The following CAMTA1 variants were observed in gnomAD, a reference collection of about 807,000 sequenced individuals.
The protein encoded by CAMTA1 is calmodulin-binding transcription activator 1.
Under a neutral mutation model 170.9 loss-of-function variants are expected in CAMTA1, and 27 were observed. The observed-to-expected ratio is 0.16, with a 90% CI of 0.12 to 0.22. The LOEUF (loss-of-function observed/expected upper bound fraction) is 0.22. Among genes scored for constraint, CAMTA1 ranks in the 10% least tolerant of loss-of-function variants. The pLI is 1.00. For missense variants in CAMTA1, 1,619 were observed against 2,217.2 expected (o/e 0.73, Z 5.42); for synonymous variants, 833 against 891.5 (o/e 0.93, Z 1.17).
chr1:7,479,782 C>A (rs987116273), intron 6 of CAMTA1, among the ~76,000 whole-genome samples: 1 of 152,232 alleles, frequency 6.6e-6, no homozygotes, highest in African/African-American at 2.4e-5. Flanking sequence ...TCTACCTAGT[C>A]CCTTATCTGC....
chr1:7,725,892 C>G (rs572711153), intron 11 of CAMTA1, among the ~76,000 whole-genome samples: 1 of 152,208 alleles, frequency 6.6e-6, no homozygotes, highest in African/African-American at 2.4e-5. Flanking sequence ...AGCCTCCAGC[C>G]AGGAACAGGC....
intron 3 of CAMTA1, among the ~76,000 whole-genome samples, chr1:6,893,701 G>T (rs1675044163): frequency 6.6e-6 from 1 of 152,160 alleles, no homozygotes; most frequent in Non-Finnish European, 1.5e-5. Context: ...TTGGCTGGTG[G>T]GTTTAGCTGT....
chr1:7,668,455 C>A (rs1387032886), intron 9 of CAMTA1, among the ~76,000 whole-genome samples: 1 of 151,208 alleles, frequency 6.6e-6, no homozygotes, highest in Non-Finnish European at 1.5e-5. Context: ...CCAGAGGCGT[C>A]CCCCTATGCC....
rs548280303 is a variant in CAMTA1, at chr1:7,093,975, G to T, written c.302+2604G>T. Among the ~76,000 whole-genome samples the T allele has an allele frequency of 2.6e-5, 4 of 152,146 alleles. No individual in the cohort carries two copies. The highest frequency in any genetic ancestry group is 4.4e-5 in the Non-Finnish European group (3 of 68,018). Reference sequence around the variant, plus strand: ...CGTTTCTGATTCTGCTTCCCATGCCGTCGGGTCTGTCCATGCACAGGTGTC... The same window carrying T: ...CGTTTCTGATTCTGCTTCCCATGCCTTCGGGTCTGTCCATGCACAGGTGTC... On this transcript the variant is annotated intron_variant, in intron 4 of 22. Transcript: ENST00000303635. This position sits in a 1 kb window ranked among gnomAD's most constrained non-coding sequence, Gnocchi z 4.6.
At chr1:7,679,581 C>G (rs28514553) in intron 11 of CAMTA1, among the ~76,000 whole-genome samples, 6 of 46,282 alleles carry the variant, frequency 1.3e-4, no homozygotes, top group South Asian at 1.3e-3. Flanking sequence ...AGCTGCCCCC[C>G]CCCCCAGAAC....
rs1022786982 is a variant in CAMTA1 at position 7,007,397 on chromosome 1, C to G, written c.235-83907C>G. Among the ~76,000 whole-genome samples, 1 of 152,182 alleles carries G rather than the reference C, an allele frequency of 6.6e-6. No individual in the cohort carries two copies. The highest frequency in any genetic ancestry group is 2.4e-5 in the African/African-American group (1 of 41,440). ...GTACGCCAGAGCCTGTGGGCCACCC[C>G]GAGGAAGTGACCCCTATGAGCCAGC... On this transcript the variant is annotated intron_variant, in intron 3 of 22. Transcript: ENST00000303635. The surrounding 1 kb of genome is among the most constrained non-coding windows in gnomAD (Gnocchi z 4.5).
rs1708627480 is a variant in CAMTA1 at position 7,064,044 on chromosome 1, T to C, written c.235-27260T>C. Among the ~76,000 whole-genome samples the C allele has an allele frequency of 6.6e-6, 1 of 152,084 alleles. No homozygotes were observed. Among genetic ancestry groups the C allele is most frequent in the Admixed American group, 6.6e-5 (1 of 15,232 alleles). ...GCTGCCAGGTGGCTGCCTTCTCATA[T>C]GGTGGGAGCCTTTGCCTTCACCTTC... is the stretch of plus-strand genomic sequence containing the variant. On this transcript the variant is annotated intron_variant, in intron 3 of 22. Coordinates refer to ENST00000303635, the MANE Select transcript of CAMTA1 (RefSeq NM_015215.4). The surrounding 1 kb of genome is among the most constrained non-coding windows in gnomAD (Gnocchi z 5.4).
At chr1:7,416,830 G>A (rs2091211778) in intron 5 of CAMTA1, among the ~76,000 whole-genome samples, 1 of 152,170 alleles carries the variant, frequency 6.6e-6, no homozygotes, top group South Asian at 2.1e-4. Flanking sequence ...GAGGAGGAGA[G>A]GTGCTCTGCT....
intron 6 of CAMTA1, among the ~76,000 whole-genome samples, chr1:7,484,195 T>C (rs1019222177): frequency 9.2e-5 from 14 of 152,136 alleles, no homozygotes; most frequent in Non-Finnish European, 1.5e-4. Context: ...GGTGAGTACC[T>C]GGCACAGAGG....
At chr1:7,679,872 T>C (rs1475816994) in intron 11 of CAMTA1, among the ~76,000 whole-genome samples, 1 of 152,224 alleles carries the variant, frequency 6.6e-6, no homozygotes, top group Non-Finnish European at 1.5e-5. Flanking sequence ...TGAAGGACGC[T>C]TTCCTTTGGT....
chr1:7,136,780 G>A (rs76373134), intron 4 of CAMTA1, among the ~76,000 whole-genome samples: 2,391 of 152,204 alleles, frequency 0.016, 64 homozygotes, highest in African/African-American at 0.054. Flanking sequence ...CCTCTTCCTC[G>A]TGAAACCGCT....
At chr1:7,543,761 G>A (rs1312709494) in intron 6 of CAMTA1, among the ~76,000 whole-genome samples, 1 of 151,924 alleles carries the variant, frequency 6.6e-6, no homozygotes, top group African/African-American at 2.4e-5. Context: ...TTTTCACATT[G>A]AAAATCAGTG....
At chr1:7,192,167 G>T (rs1326730824) in intron 4 of CAMTA1, among the ~76,000 whole-genome samples, 1 of 152,204 alleles carries the variant, frequency 6.6e-6, no homozygotes, top group Non-Finnish European at 1.5e-5. Flanking sequence ...GGCTCTTCTG[G>T]TTGGGACTCC....
intron 11 of CAMTA1, among the ~76,000 whole-genome samples, chr1:7,679,312 A>C (rs982947820): frequency 2.6e-5 from 4 of 152,138 alleles, no homozygotes; most frequent in African/African-American, 9.7e-5. Flanking sequence ...CCACTGTAGG[A>C]CCCTGCCTGG....
chr1:7,369,545 T>C (rs7528931), intron 5 of CAMTA1, among the ~76,000 whole-genome samples: 1 of 151,650 alleles, frequency 6.6e-6, no homozygotes, highest in African/African-American at 2.4e-5. Flanking sequence ...ACACATGGGG[T>C]AGGGTGCAGA....
At chr1:7,151,158 T>C (rs932418878) in intron 4 of CAMTA1, among the ~76,000 whole-genome samples, 3 of 152,246 alleles carry the variant, frequency 2.0e-5, no homozygotes, top group Admixed American at 6.5e-5. Flanking sequence ...ACAAGAAACA[T>C]GGGCCTCCTC....
chr1:6,804,390 T>C (rs1644269657), intron 1 of CAMTA1, among the ~76,000 whole-genome samples: 1 of 152,066 alleles, frequency 6.6e-6, no homozygotes, highest in Admixed American at 6.5e-5. Context: ...AATATATAAT[T>C]GAGTGGGTTT....
chr1:6,951,654 G>A (rs1049016846), intron 3 of CAMTA1, among the ~76,000 whole-genome samples: 1 of 152,160 alleles, frequency 6.6e-6, no homozygotes, highest in Non-Finnish European at 1.5e-5. Context: ...CGGGTGGGAG[G>A]CTCTAGGGGG....
chr1:7,461,129 GA>G (rs1456272525), intron 5 of CAMTA1, among the ~76,000 whole-genome samples: 2 of 152,222 alleles, frequency 1.3e-5, no homozygotes, highest in African/African-American at 2.4e-5. Flanking sequence ...TTAGGGAAGA[GA>G]GGGGAGGGGA....
Sources: gnomAD v4.1 joint callset for allele counts (sites outside exome capture counted in the v4.1 genomes callset) on GRCh38, gnomAD v4.1.1 for gene constraint, Gnocchi (gnomAD v3.1) non-coding constraint, MANE v1.5 for transcripts, NCBI Gene and HGNC (gene_info 2026-07-23, HGNC 2026-07-21) for gene names.